TEX15: variants seen among roughly 807,000 people sequenced by gnomAD.
The protein encoded by TEX15 is testis-expressed protein 15.
A neutral mutation model predicts 237.3 loss-of-function variants in TEX15; 171 were observed. The ratio of observed to expected loss-of-function variants is 0.72; its 90% confidence interval spans 0.64 to 0.82. The LOEUF is 0.82. TEX15 is among the 40% of genes least tolerant of loss of function. The pLI, the probability that TEX15 is intolerant of heterozygous loss-of-function variation, is 0.00. For missense variants in TEX15, 3,750 were observed against 3,646.5 expected (o/e 1.03, Z -0.73); for synonymous variants, 1,338 against 1,269.8 (o/e 1.05, Z -1.14).
Position 30,848,042 on chromosome 8 carries a change from A to G in TEX15, c.2125T>C (p.Leu709=), listed in dbSNP as rs756468764. ...AAACTTGGAGTAATTTGCCATTCCAATGCTAGATGATCTAGTTCATCCTTA... is the reference window on the plus strand; with the variant it reads ...AAACTTGGAGTAATTTGCCATTCCAGTGCTAGATGATCTAGTTCATCCTTA... ...KDKDELDHLA[L]EWQITPSFES... Residue 709 remains leucine, a synonymous_variant, in exon 8 of 11, where the codon TTG becomes CTG. Coordinates refer to ENST00000643185, the MANE Select transcript of TEX15 (RefSeq NM_001350162.2). 12 of 1,613,888 alleles carry G rather than the reference A, an allele frequency of 7.4e-6. No homozygotes were observed. The Admixed American group carries it at 1.5e-4, about 20-fold the overall frequency.
At chr8:30,836,080 T>G (rs1807284759) in intron 10 of TEX15, among the ~76,000 whole-genome samples, 1 of 152,190 alleles carries the variant, frequency 6.6e-6, no homozygotes, top group South Asian at 2.1e-4. Flanking sequence ...ATTAAAATGT[T>G]GGCATATTTT....
intron 10 of TEX15, 92 bp downstream of exon 10, chr8:30,836,711 T>C: frequency 8.6e-7 from 1 of 1,159,076 alleles, no homozygotes; most frequent in Non-Finnish European, 1.2e-6. Flanking sequence ...TTTCTCCCTC[T>C]AACTCATCAC....
intron 9 of TEX15, among the ~76,000 whole-genome samples, chr8:30,839,559 A>T (rs957890828): frequency 6.6e-6 from 1 of 152,130 alleles, no homozygotes; most frequent in Non-Finnish European, 1.5e-5. Context: ...TCTTGTAAAG[A>T]TATAAATTTT....
At chr8:30,867,558 A>G in intron 4 of TEX15, 56 bp from the exon 5 acceptor site, 2 of 1,048,488 alleles carry the variant, frequency 1.9e-6, no homozygotes, top group Admixed American at 4.3e-5. Flanking sequence ...AAAATTTTCA[A>G]GAAGATACAT....
chr8:30,882,708 T>G (rs930425434), intron 3 of TEX15, among the ~76,000 whole-genome samples: 2 of 152,226 alleles, frequency 1.3e-5, no homozygotes, highest in African/African-American at 4.8e-5. Context: ...TCTATAAATG[T>G]CAATTAGATC....
chr8:30,845,205 T>A lies in TEX15; in HGVS notation c.4962A>T (p.Leu1654Phe). 1.9e-6 allele frequency: 3 copies of A among 1,613,592 alleles called. No individual in the cohort carries two copies. Among genetic ancestry groups the A allele is most frequent in the Non-Finnish European group, 2.5e-6 (3 of 1,179,570 alleles). The change falls in exon 8 of 11, where the codon TTA becomes TTT. Residue 1654 changes from leucine to phenylalanine, a missense_variant. Physicochemically the swap from Leu to Phe is conservative, Grantham distance 22 (BLOSUM62 0). Transcript: ENST00000643185. ...KAKTDVLISVLDSNVKHFLND... is the reference protein window; with the variant it reads ...KAKTDVLISVFDSNVKHFLND... ...TTAAAAAGTGCTTCACATTTGAATC[T>A]AAGACTGATATAAGTACGTCAGTTT...
intron 1 of TEX15, among the ~76,000 whole-genome samples, chr8:30,902,582 C>T: frequency 6.6e-6 from 1 of 152,164 alleles, no homozygotes; most frequent in East Asian, 1.9e-4. Context: ...GCAGTAATAT[C>T]CACATGGGCA....
Position 30,888,304 on chromosome 8 carries a change from G to A in TEX15, c.-9-993C>T, listed in dbSNP as rs527990188. 2.2e-4 allele frequency among the ~76,000 whole-genome samples: 34 copies of A among 152,208 alleles called. No homozygotes were observed. In the South Asian group the frequency reaches 6.9e-3, roughly 31 times the overall value. ...CTTTAAATCAAGATCTCTGGCTTTA[G>A]AAGAAACTTCAAAAAGTTGTAAACT... On this transcript the variant is annotated intron_variant, in intron 2 of 10. Transcript: ENST00000643185.
rs374545932 is a variant in TEX15, at chr8:30,842,211, C to T, written c.7956G>A (p.Lys2652=). Residue 2652 remains lysine (K), a synonymous_variant, in exon 8 of 11, where the codon AAG becomes AAA. Transcript: ENST00000643185. ...TATGAATATTCATTTTTTCTTTTCT[C>T]TTCAGCTGTAAAATCTTCCTTCTGT... is the stretch of plus-strand genomic sequence containing the variant. The part of the protein sequence containing the change: ...LYNRRKILQL[K]RKEKMNIHIV... The T allele has an allele frequency of 1.8e-5, 29 of 1,611,402 alleles. No homozygotes were observed. The African/African-American group carries it at 3.2e-4, about 18-fold the overall frequency.
intron 7 of TEX15, among the ~76,000 whole-genome samples, chr8:30,858,217 G>C (rs1807952829): frequency 6.8e-6 from 1 of 147,908 alleles, no homozygotes; most frequent in Admixed American, 6.6e-5. Context: ...CTAATACTGA[G>C]CAAAATACCT....
chr8:30,895,989 T>C (rs1233161634), intron 2 of TEX15, among the ~76,000 whole-genome samples: 1 of 152,144 alleles, frequency 6.6e-6, no homozygotes, highest in Non-Finnish European at 1.5e-5. Context: ...GCCAAACACA[T>C]ACATTTAAAG....
At position 30,846,927 on chromosome 8, in the gene TEX15, G is replaced by A. The variant is rs766011268; in HGVS notation, c.3240C>T (p.Ser1080=). The A allele has an allele frequency of 6.2e-7, 1 of 1,613,546 alleles. No homozygotes were observed. Among genetic ancestry groups the A allele is most frequent in the Non-Finnish European group, 8.5e-7 (1 of 1,179,650 alleles). ...DAFIFQQDTH[S]HENMLCEEFV... ...ATTCTTCACAAAGCATGTTTTCATG[G>A]CTATGTGTATCTTGTTGAAATATAA... Residue 1080 remains serine (S), a synonymous_variant, in exon 8 of 11, where the codon AGC becomes AGT. Coordinates refer to ENST00000643185, the MANE Select transcript of TEX15 (RefSeq NM_001350162.2).
At chr8:30,873,754 G>C (rs1273265768) in intron 4 of TEX15, among the ~76,000 whole-genome samples, 2 of 152,054 alleles carry the variant, frequency 1.3e-5, no homozygotes, top group African/African-American at 2.4e-5. Flanking sequence ...AAATATACTA[G>C]GAGAATGAGA....
chr8:30,868,675 A>G (rs1808226917), intron 4 of TEX15, among the ~76,000 whole-genome samples: 1 of 152,002 alleles, frequency 6.6e-6, no homozygotes, highest in Non-Finnish European at 1.5e-5. Context: ...TGGCTCCACA[A>G]ATTGGCATTT....
In TEX15 at chr8:30,833,206, G is replaced by A. The variant is rs2113526; in HGVS notation, c.*80C>T. 4,193 of 918,638 alleles carry A rather than the reference G, an allele frequency of 4.6e-3. 129 individuals are homozygous for A. In the African/African-American group the frequency reaches 0.063, roughly 14 times the overall value. The allele number at this position is 918,638 out of a possible 1,614,324, so 56.9% of individuals were successfully genotyped here. A position where few individuals can be genotyped will look rare whatever the true frequency, so the allele number is the denominator to read the frequency against. On this transcript the variant is annotated 3_prime_UTR_variant, in exon 11 of 11. Transcript: ENST00000643185. ...ACCACATTTACAAACATTAAAAATCGCTAAATGTTAAAAAATATATAAGTA... is the reference window on the plus strand; with the variant it reads ...ACCACATTTACAAACATTAAAAATCACTAAATGTTAAAAAATATATAAGTA...
At chr8:30,874,453 A>C (rs368540053) in intron 4 of TEX15, among the ~76,000 whole-genome samples, 3 of 152,308 alleles carry the variant, frequency 2.0e-5, no homozygotes, top group African/African-American at 7.2e-5. Context: ...CTGGAGAAGT[A>C]CTTTAAAAAA....
intron 7 of TEX15, 45 bp from the exon 8 acceptor site, chr8:30,849,361 A>G (rs531014365): frequency 3.6e-5 from 42 of 1,151,242 alleles, no homozygotes; most frequent in African/African-American, 1.2e-4. Flanking sequence ...AAGTGTTTCT[A>G]TAGACAACTA....
At position 30,904,095 on chromosome 8, in the gene TEX15, GAC is replaced by G. The variant is rs1337706760; in HGVS notation, c.-85-5280_-85-5279del. Among the ~76,000 whole-genome samples the G allele has an allele frequency of 2.0e-5, 3 of 152,168 alleles. No homozygotes were observed. In the South Asian group the frequency reaches 6.2e-4, roughly 31 times the overall value. ...AAATAATCAGATGATTAAAGATAAT[GAC>G]ACAACTTTCAAGGGAATTAATAACT... is the stretch of plus-strand genomic sequence containing the variant. On this transcript the variant is annotated intron_variant, in intron 1 of 10. Coordinates refer to ENST00000643185, the MANE Select transcript of TEX15 (RefSeq NM_001350162.2).
At chr8:30,905,008 T>C (rs974030000) in intron 1 of TEX15, among the ~76,000 whole-genome samples, 6 of 152,182 alleles carry the variant, frequency 3.9e-5, no homozygotes, top group African/African-American at 7.2e-5. Flanking sequence ...TTTCTTTAGG[T>C]ACTTACATTA....
Sources: gnomAD v4.1 joint callset for allele counts (sites outside exome capture counted in the v4.1 genomes callset) on GRCh38, gnomAD v4.1.1 for gene constraint, MANE v1.5 for transcripts, NCBI Gene and HGNC (gene_info 2026-07-23, HGNC 2026-07-21) for gene names.